Variants in CLEC16A observed in about 807,000 individuals in gnomAD.
The protein encoded by CLEC16A is C-type lectin domain containing 16A, also known as protein CLEC16A.
Under a neutral mutation model 109.5 loss-of-function variants are expected in CLEC16A, and 51 were observed. That is an observed-to-expected ratio of 0.47 (90% CI 0.37 to 0.59). The LOEUF is 0.59. Ranked by LOEUF, CLEC16A falls within the 20% of genes least tolerant of loss-of-function variation. The pLI is 0.00. For synonymous variants in CLEC16A, 673 were observed against 564.2 expected, an observed-to-expected ratio of 1.19 and a Z score of -2.73; for missense variants, 1,339 against 1,394.0, an observed-to-expected ratio of 0.96 and a Z score of 0.63.
intron 19 of CLEC16A, among the ~76,000 whole-genome samples, chr16:11,067,336 G>T (rs975322667): frequency 7.2e-6 from 1 of 138,994 alleles, no homozygotes; most frequent in African/African-American, 2.6e-5. Context: ...CGTGTTTCCT[G>T]TTCTAAGAGC....
At chr16:10,985,282 C>T (rs1026535750) in intron 10 of CLEC16A, among the ~76,000 whole-genome samples, 16 of 150,700 alleles carry the variant, frequency 1.1e-4, no homozygotes, top group African/African-American at 3.9e-4. Context: ...CCACCAGACT[C>T]ATTTGGTTTG....
Position 11,125,121 on chromosome 16 carries a change from G to A in CLEC16A, c.2474-858G>A, listed in dbSNP as rs528199093. ...ACCCTCAGAGGGCCAGTTTCTGGGC[G>A]TTACCGATGCGATGATTTACTGTGC... On this transcript the variant is annotated intron_variant, in intron 21 of 23. Coordinates refer to ENST00000409790, the MANE Select transcript of CLEC16A (RefSeq NM_015226.3). Among the ~76,000 whole-genome samples, 19 of 152,236 alleles carry A rather than the reference G, an allele frequency of 1.2e-4. No individual in the cohort carries two copies. In the South Asian group the frequency reaches 2.3e-3, roughly 18 times the overall value.
At chr16:11,012,002 G>A (rs1422218044) in intron 11 of CLEC16A, among the ~76,000 whole-genome samples, 2 of 152,038 alleles carry the variant, frequency 1.3e-5, no homozygotes, top group African/African-American at 4.8e-5. Context: ...AGTTCAGGAT[G>A]TTTTTGCAAT....
At chr16:11,112,522 C>G (rs1567334799) in intron 19 of CLEC16A, among the ~76,000 whole-genome samples, 2 of 144,330 alleles carry the variant, frequency 1.4e-5, no homozygotes, top group African/African-American at 5.3e-5. Flanking sequence ...AAAAGATTAC[C>G]CAGGAATGAT....
intron 3 of CLEC16A, among the ~76,000 whole-genome samples, chr16:10,965,941 A>G (rs745314168): frequency 2.6e-5 from 4 of 152,184 alleles, no homozygotes; most frequent in Non-Finnish European, 5.9e-5. Context: ...TGAAGCTCCC[A>G]GTATGGTGTC....
rs1215442436 is a variant in CLEC16A, at chr16:11,123,945, T to C, written c.2472T>C (p.Ala824=). The change falls in exon 21 of 24, where the codon GCT becomes GCC. Residue 824 remains alanine (A), a splice_region_variant and synonymous_variant. Coordinates refer to ENST00000409790, the MANE Select transcript of CLEC16A (RefSeq NM_015226.3). ...QARRMKMQRI[A]ALLDLPIQPT... ...GGCGCATGAAGATGCAGAGAATAGC[T>C]GGTGAGTGGCTGGACCCTGGCAGGG... 5.6e-6 allele frequency: 9 copies of C among 1,601,878 alleles called. No homozygotes were observed. Among genetic ancestry groups the C allele is most frequent in the African/African-American group, 2.7e-5 (2 of 74,562 alleles).
At chr16:11,136,714 C>G (rs181754470) in intron 22 of CLEC16A, among the ~76,000 whole-genome samples, 110 of 152,308 alleles carry the variant, frequency 7.2e-4, no homozygotes, top group African/African-American at 2.5e-3. Flanking sequence ...CAGAAGAGAT[C>G]CTGTAATCTG....
intron 13 of CLEC16A, among the ~76,000 whole-genome samples, chr16:11,030,226 G>A (rs1286698353): frequency 6.6e-6 from 1 of 152,204 alleles, no homozygotes; most frequent in East Asian, 1.9e-4. Context: ...ACAGAGAGTT[G>A]TATGAGCATA....
At chr16:11,134,179 C>T (rs931732690) in intron 22 of CLEC16A, among the ~76,000 whole-genome samples, 1 of 139,624 alleles carries the variant, frequency 7.2e-6, no homozygotes, top group Non-Finnish European at 1.5e-5. Context: ...TTCCCCTTTT[C>T]TGATTTTTTT....
Position 11,178,691 on chromosome 16 carries a change from G to C in CLEC16A, c.*1G>C. 6.8e-7 allele frequency: 1 copy of C among 1,480,732 alleles called. No individual in the cohort carries two copies. The highest frequency in any genetic ancestry group is 1.3e-5 in the South Asian group (1 of 74,938). 91.7% of individuals were successfully genotyped at this position (1,480,732 alleles called of 1,614,324 possible). A position where few individuals can be genotyped will look rare whatever the true frequency, so the allele number is the denominator to read the frequency against. On this transcript the variant is annotated 3_prime_UTR_variant, in exon 24 of 24. Coordinates refer to ENST00000409790, the MANE Select transcript of CLEC16A (RefSeq NM_015226.3). The surrounding 1 kb of genome is among the most constrained non-coding windows in gnomAD (Gnocchi z 6.5). ...GCCTGTGGGCACCGCTGAGGACTGA[G>C]TCAGTGCCGGGGCCTCCCTTTGTGT...
intron 11 of CLEC16A, among the ~76,000 whole-genome samples, chr16:11,008,432 G>A (rs988959572): frequency 1.4e-4 from 22 of 152,124 alleles, no homozygotes; most frequent in Non-Finnish European, 2.9e-4. Context: ...TTTGAAAAAT[G>A]AGTGTGTCAG....
In CLEC16A at chr16:11,174,222, T is replaced by C; in HGVS notation, c.2807-4113T>C. On this transcript the variant is annotated intron_variant, in intron 23 of 23. Coordinates refer to ENST00000409790, the MANE Select transcript of CLEC16A (RefSeq NM_015226.3). The surrounding 1 kb of genome is among the most constrained non-coding windows in gnomAD (Gnocchi z 4.7). ...GGAGGCCGACAGTCATGGCGGCCAC[T>C]GGGTTTAGTGCTCCGAACGGCAGCT... 1 of 468,874 alleles carries C rather than the reference T, an allele frequency of 2.1e-6. No homozygotes were observed. The highest frequency in any genetic ancestry group is 4.4e-6 in the Non-Finnish European group (1 of 226,926). The allele number at this position is 468,874 out of a possible 1,614,324, so 29.0% of individuals were successfully genotyped here. A position where few individuals can be genotyped will look rare whatever the true frequency, so the allele number is the denominator to read the frequency against.
intron 19 of CLEC16A, among the ~76,000 whole-genome samples, chr16:11,085,965 T>A (rs1003386693): frequency 6.6e-6 from 1 of 152,188 alleles, no homozygotes; most frequent in African/African-American, 2.4e-5. Context: ...GGAAGTGACT[T>A]GGAGGCCTCT....
At chr16:11,052,429 C>T (rs1011851855) in intron 18 of CLEC16A, among the ~76,000 whole-genome samples, 7 of 152,138 alleles carry the variant, frequency 4.6e-5, no homozygotes, top group Non-Finnish European at 7.3e-5. Context: ...ACAGGAATGA[C>T]CTGTCATTTG....
Position 11,024,884 on chromosome 16 carries a change from C to T in CLEC16A, c.1500C>T (p.Phe500=), listed in dbSNP as rs778692962. The T allele has an allele frequency of 6.8e-6, 11 of 1,609,712 alleles. No homozygotes were observed. The African/African-American group carries it at 1.2e-4, about 18-fold the overall frequency. ...DSPDDDYHAL[F]VLCLLYAMSH... is the part of the protein sequence containing the mutation. The stretch of plus-strand genomic sequence containing the variant: ...CGGATGATGATTACCATGCCCTGTT[C>T]GTGCTCTGCCTCCTCTATGCCATGT... Residue 500 remains phenylalanine, a synonymous_variant, in exon 13 of 24, where the codon TTC becomes TTT. Transcript: ENST00000409790.
chr16:11,027,871 T>C (rs1382415178), intron 13 of CLEC16A: 334 of 638,840 alleles, frequency 5.2e-4, no homozygotes, highest in Non-Finnish European at 2.5e-5. Flanking sequence ...TATTTCCTGC[T>C]CTGTCTTCAA....
chr16:11,053,685 T>C (rs2048065629), intron 18 of CLEC16A, among the ~76,000 whole-genome samples: 1 of 152,054 alleles, frequency 6.6e-6, no homozygotes, highest in Non-Finnish European at 1.5e-5. Context: ...GGGGAAGAAA[T>C]TGATGCATGG....
At chr16:11,004,795 C>G (rs1203834487) in intron 11 of CLEC16A, among the ~76,000 whole-genome samples, 1 of 151,870 alleles carries the variant, frequency 6.6e-6, no homozygotes, top group African/African-American at 2.4e-5. Flanking sequence ...GTTGAGATCT[C>G]CAGCCTCCTC....
chr16:11,140,008 G>C (rs2053748741), intron 22 of CLEC16A, among the ~76,000 whole-genome samples: 1 of 152,214 alleles, frequency 6.6e-6, no homozygotes, highest in African/African-American at 2.4e-5. Flanking sequence ...CAGAAAGCAA[G>C]GTCCCCTGCC....
Sources: allele counts gnomAD v4.1 joint callset (sites outside exome capture counted in the v4.1 genomes callset), GRCh38; gene constraint gnomAD v4.1.1; non-coding constraint Gnocchi (gnomAD v3.1); transcripts MANE v1.5; gene names NCBI Gene and HGNC (gene_info 2026-07-23, HGNC 2026-07-21).